The following PRH1 variants were observed in gnomAD, a reference collection of about 807,000 sequenced individuals.
PRH1 encodes salivary acidic proline-rich phosphoprotein 1/2.
Under a neutral mutation model 7.9 loss-of-function variants are expected in PRH1, and 7 were observed. That is an observed-to-expected ratio of 0.89 (90% CI 0.50 to 1.67). The LOEUF (loss-of-function observed/expected upper bound fraction) is 1.67. Among genes scored for constraint, PRH1 ranks in the 40% most tolerant of loss-of-function variants. The probability of loss-of-function intolerance (pLI) is 0.00; values close to 1 mark genes in which losing one functional copy is unlikely to be tolerated. For synonymous variants in PRH1, 45 were observed against 80.8 expected (o/e 0.56, Z 2.38); for missense variants, 109 against 223.6 (o/e 0.49, Z 3.27).
At chr12:10,924,627 G>A (rs988494775) in intron 2 of PRH1, among the ~76,000 whole-genome samples, 2 of 152,162 alleles carry the variant, frequency 1.3e-5, no homozygotes, top group Admixed American at 6.5e-5. Context: ...ATTCCGTCTG[G>A]TCCTGGACTT....
chr12:10,939,355 T>A (rs866668260), intron 2 of PRH1: 4 of 548,696 alleles, frequency 7.3e-6, no homozygotes, highest in Middle Eastern at 9.7e-4. Context: ...CCATCCAGAT[T>A]TGCTAATGGC....
chr12:10,897,483 C>T (rs981409578), intron 2 of PRH1, among the ~76,000 whole-genome samples: 1 of 152,180 alleles, frequency 6.6e-6, no homozygotes, highest in Admixed American at 6.5e-5. Context: ...GAACAAAACC[C>T]TAACCTACAG....
intron 1 of PRH1, among the ~76,000 whole-genome samples, chr12:11,037,406 T>C (rs1195362790): frequency 7.9e-5 from 12 of 152,244 alleles, no homozygotes; most frequent in African/African-American, 2.4e-4. Flanking sequence ...TTCTCTAATG[T>C]AGAGCCAAAA....
At chr12:10,895,789 A>G (rs1949636138) in intron 2 of PRH1, 1 of 152,204 alleles carries the variant, frequency 6.6e-6, no homozygotes. Context: ...AGTCAATGAT[A>G]TTAACCAATA....
chr12:10,894,094 A>G (rs1193790130), intron 2 of PRH1, among the ~76,000 whole-genome samples: 2 of 151,992 alleles, frequency 1.3e-5, no homozygotes, highest in East Asian at 1.9e-4. Context: ...ATTTGTTACT[A>G]TCGTCTTGGT....
At chr12:11,069,828 A>G (rs185089323) in intron 1 of PRH1, among the ~76,000 whole-genome samples, 74 of 152,328 alleles carry the variant, frequency 4.9e-4, no homozygotes, top group African/African-American at 1.6e-3. Context: ...GCCAATTCCA[A>G]GAACAAGAAT....
At chr12:11,010,582 T>C (rs945883621) in intron 1 of PRH1, among the ~76,000 whole-genome samples, 1 of 151,948 alleles carries the variant, frequency 6.6e-6, no homozygotes, top group Non-Finnish European at 1.5e-5. Context: ...AAAAAATACT[T>C]CGCCTTAATC....
intron 1 of PRH1, among the ~76,000 whole-genome samples, chr12:11,160,421 T>G (rs534897801): frequency 1.0e-3 from 152 of 152,242 alleles, no homozygotes; most frequent in South Asian, 2.1e-3. Context: ...TGACTATAGT[T>G]CTCTGAGGTT....
intron 2 of PRH1, among the ~76,000 whole-genome samples, chr12:10,952,506 A>C: frequency 6.6e-6 from 1 of 152,220 alleles, no homozygotes; most frequent in African/African-American, 2.4e-5. Context: ...TTGGAGGATT[A>C]GTTTCTCATT....
chr12:11,144,719 GC>G (rs1193825506), intron 1 of PRH1, among the ~76,000 whole-genome samples: 1 of 152,222 alleles, frequency 6.6e-6, no homozygotes, highest in African/African-American at 2.4e-5. Context: ...GTACTATGGT[GC>G]CAGGCAGGAA....
chr12:11,075,313 A>G (rs1321925331), intron 1 of PRH1, among the ~76,000 whole-genome samples: 2 of 139,290 alleles, frequency 1.4e-5, no homozygotes, highest in African/African-American at 2.6e-5. Context: ...TAATACAAAT[A>G]TATCATTCAC....
chr12:11,017,300 C>T (rs118040338), intron 1 of PRH1, among the ~76,000 whole-genome samples: 2,320 of 151,922 alleles, frequency 0.015, 19 homozygotes, highest in South Asian at 0.032. Context: ...AATAATGTTA[C>T]GGTAATTGGT....
chr12:10,938,562 C>A, intron 2 of PRH1: 1 of 1,613,990 alleles, frequency 6.2e-7, no homozygotes, highest in South Asian at 1.1e-5. Context: ...GATATTTTGA[C>A]AGTGTGCTGC....
chr12:11,069,224 GT>G (rs1943956460), intron 1 of PRH1, among the ~76,000 whole-genome samples: 1 of 133,398 alleles, frequency 7.5e-6, no homozygotes, highest in Non-Finnish European at 1.7e-5. Context: ...ACCTGGTACT[GT>G]TACTTCTAAA....
chr12:10,938,683 A>C (rs975413530), intron 2 of PRH1: 1 of 1,613,976 alleles, frequency 6.2e-7, no homozygotes, highest in Non-Finnish European at 8.5e-7. Context: ...TAAGACTGGA[A>C]AATCGTGTAA....
chr12:10,916,420 A>C (rs1208847688), intron 2 of PRH1, among the ~76,000 whole-genome samples: 2 of 152,158 alleles, frequency 1.3e-5, no homozygotes, highest in Non-Finnish European at 2.9e-5. Flanking sequence ...TGAAGATTAC[A>C]CTTTTTTTCC....
At chr12:11,147,648 T>C (rs1565703364) in intron 1 of PRH1, among the ~76,000 whole-genome samples, 3 of 152,226 alleles carry the variant, frequency 2.0e-5, no homozygotes, top group Non-Finnish European at 4.4e-5. Context: ...CATCATCACA[T>C]CATTATACTG....
upstream of PRH1, chr12:11,048,679 A>T (rs1358219116): frequency 1.9e-6 from 1 of 534,674 alleles, no homozygotes; most frequent in East Asian, 4.2e-5. Flanking sequence ...CAGAAAAGAT[A>T]TTAGTGTCAG....
At chr12:11,150,288 A>G (rs1947028609) in intron 1 of PRH1, among the ~76,000 whole-genome samples, 1 of 151,978 alleles carries the variant, frequency 6.6e-6, no homozygotes, top group Non-Finnish European at 1.5e-5. Context: ...TAGAGCTAGA[A>G]ATACCATTTG....
Sources: allele counts gnomAD v4.1 joint callset (sites outside exome capture counted in the v4.1 genomes callset), GRCh38; gene constraint gnomAD v4.1.1; transcripts MANE v1.5; gene names NCBI Gene and HGNC (gene_info 2026-07-23, HGNC 2026-07-21).